ITCH: variants seen among roughly 807,000 people sequenced by gnomAD.
ITCH encodes the protein itchy E3 ubiquitin protein ligase.
In ITCH, 28 loss-of-function variants were observed where a neutral mutation model predicts 126.8. The ratio of observed to expected loss-of-function variants is 0.22; its 90% confidence interval spans 0.16 to 0.30. The LOEUF (loss-of-function observed/expected upper bound fraction) is 0.30. Among genes scored for constraint, ITCH ranks in the 10% least tolerant of loss-of-function variants. The pLI is 1.00. For missense variants in ITCH, 631 were observed against 1,032.4 expected (o/e 0.61, Z 5.33); for synonymous variants, 342 against 340.0 (o/e 1.01, Z -0.06).
rs78545187 is a variant in ITCH at position 34,471,849 on chromosome 20, A to T, written c.1569+334A>T. 7.7e-4 allele frequency among the ~76,000 whole-genome samples: 117 copies of T among 151,720 alleles called. 1 individual carries two copies. The highest frequency in any genetic ancestry group is 5.7e-3 in the East Asian group (29 of 5,114). On this transcript the variant is annotated intron_variant, in intron 16 of 24. Coordinates refer to ENST00000374864, the MANE Select transcript of ITCH (RefSeq NM_031483.7). ...GATTTGAAATAAATGCATAGGTAAG[A>T]TAATAGGTTTTTGGTAGCCAAAGGT...
intron 9 of ITCH, among the ~76,000 whole-genome samples, chr20:34,441,145 G>T (rs1225250978): frequency 6.6e-6 from 1 of 151,864 alleles, no homozygotes. Flanking sequence ...GGTGGCAGGC[G>T]CCTGTAATCC....
At chr20:34,400,902 C>T (rs984176488) in intron 3 of ITCH, among the ~76,000 whole-genome samples, 1 of 152,066 alleles carries the variant, frequency 6.6e-6, no homozygotes, top group Non-Finnish European at 1.5e-5. Flanking sequence ...GTATTGCAGG[C>T]ATGCACCACT....
At chr20:34,474,696 G>A (rs184053218) in intron 16 of ITCH, among the ~76,000 whole-genome samples, 1,655 of 152,306 alleles carry the variant, frequency 0.011, 121 homozygotes, top group Admixed American at 0.097. Flanking sequence ...CCCAGACGGG[G>A]TGGTGGCCTG....
At position 34,510,459 on chromosome 20, in the gene ITCH, T is replaced by TA. The variant is rs1321694634; in HGVS notation, c.*2665_*2666insA. On this transcript the variant is annotated 3_prime_UTR_variant, in exon 25 of 25. Transcript: ENST00000374864. Reference sequence around the variant, plus strand: ...ATCCTGTTAATTTTTTTTTTTTTTTTTTTTTTTTTTTACTGCATGTTACAT... The same window carrying TA: ...ATCCTGTTAATTTTTTTTTTTTTTTTATTTTTTTTTTTACTGCATGTTACAT... 6.7e-6 allele frequency: 1 copy of TA among 148,324 alleles called. No individual in the cohort carries two copies. Among genetic ancestry groups the TA allele is most frequent in the Non-Finnish European group, 1.5e-5 (1 of 67,086 alleles). The allele number at this position is 148,324 out of a possible 1,614,324, so 9.2% of individuals were successfully genotyped here. A position where few individuals can be genotyped will look rare whatever the true frequency, so the allele number is the denominator to read the frequency against.
At chr20:34,389,183 A>T (rs563820280) in intron 2 of ITCH, among the ~76,000 whole-genome samples, 93 of 152,014 alleles carry the variant, frequency 6.1e-4, no homozygotes, top group African/African-American at 2.1e-3. Flanking sequence ...ATTATTTTTT[A>T]AAAAATTTTA....
At chr20:34,403,329 C>T (rs754407622) in intron 3 of ITCH, among the ~76,000 whole-genome samples, 1 of 152,030 alleles carries the variant, frequency 6.6e-6, no homozygotes, top group Non-Finnish European at 1.5e-5. Context: ...AAAGCACTGA[C>T]CTTCAGAACA....
intron 20 of ITCH, among the ~76,000 whole-genome samples, chr20:34,483,019 G>A (rs913073630): frequency 6.6e-6 from 1 of 152,138 alleles, no homozygotes; most frequent in African/African-American, 2.4e-5. Context: ...GCAACAACCC[G>A]GGCTGTACCT....
In ITCH at chr20:34,393,773, C is replaced by G; in HGVS notation, c.-21-18C>G. 1 of 1,435,116 alleles carries G rather than the reference C, an allele frequency of 7.0e-7. No homozygotes were observed. Among genetic ancestry groups the G allele is most frequent in the South Asian group, 1.1e-5 (1 of 87,432 alleles). The allele number at this position is 1,435,116 out of a possible 1,614,324, so 88.9% of individuals were successfully genotyped here. A position where few individuals can be genotyped will look rare whatever the true frequency, so the allele number is the denominator to read the frequency against. On this transcript the variant is annotated intron_variant, in intron 2 of 24. Coordinates refer to ENST00000374864, the MANE Select transcript of ITCH (RefSeq NM_031483.7). Reference sequence around the variant, plus strand: ...TGGGAATTTTTGATGTTTACAGTGTCTCCTTTGCCATGTTCAGGTTTTCCA... The same window carrying G: ...TGGGAATTTTTGATGTTTACAGTGTGTCCTTTGCCATGTTCAGGTTTTCCA...
intron 23 of ITCH, among the ~76,000 whole-genome samples, chr20:34,497,077 A>T (rs961207489): frequency 2.9e-4 from 44 of 151,058 alleles, no homozygotes; most frequent in Non-Finnish European, 5.8e-4. Flanking sequence ...GCTCCCCACA[A>T]CCTCCGCCTC....
intron 7 of ITCH, among the ~76,000 whole-genome samples, chr20:34,433,819 A>G (rs1982649235): frequency 6.6e-6 from 1 of 152,192 alleles, no homozygotes; most frequent in African/African-American, 2.4e-5. Context: ...CACCCAGAAT[A>G]TGAAACCATT....
At chr20:34,497,986 T>C (rs975682242) in intron 23 of ITCH, among the ~76,000 whole-genome samples, 5 of 152,220 alleles carry the variant, frequency 3.3e-5, no homozygotes, top group Non-Finnish European at 5.9e-5. Flanking sequence ...TGTCTTTACA[T>C]TTTTTGTGTG....
At chr20:34,465,516 G>C (rs1359794979) in intron 14 of ITCH, among the ~76,000 whole-genome samples, 1 of 152,124 alleles carries the variant, frequency 6.6e-6, no homozygotes, top group Non-Finnish European at 1.5e-5. Context: ...ATCTGGGGTA[G>C]TGTGGTCATC....
chr20:34,475,724 G>A (rs1338787883), intron 16 of ITCH, among the ~76,000 whole-genome samples: 2 of 151,588 alleles, frequency 1.3e-5, no homozygotes, highest in Non-Finnish European at 1.5e-5. Flanking sequence ...GCAGGGGCAG[G>A]GGCAGGCAGA....
intron 3 of ITCH, among the ~76,000 whole-genome samples, chr20:34,403,011 GT>G (rs910634311): frequency 2.4e-4 from 35 of 148,456 alleles, no homozygotes; most frequent in South Asian, 6.4e-4. Context: ...TTATACTTAT[GT>G]TTTTTTTTTA....
chr20:34,504,891 T>C (rs1238228182), intron 24 of ITCH, among the ~76,000 whole-genome samples: 1 of 152,228 alleles, frequency 6.6e-6, no homozygotes, highest in East Asian at 1.9e-4. Context: ...TTTACTGTTT[T>C]ACTAATGTCT....
chr20:34,421,663 T>G (rs909362237), intron 6 of ITCH, among the ~76,000 whole-genome samples: 4 of 152,132 alleles, frequency 2.6e-5, no homozygotes, highest in African/African-American at 9.7e-5. Flanking sequence ...TCTAAATAAT[T>G]TATGCCATAC....
At chr20:34,372,013 T>C (rs1229811128) in intron 2 of ITCH, among the ~76,000 whole-genome samples, 1 of 152,110 alleles carries the variant, frequency 6.6e-6, no homozygotes, top group Non-Finnish European at 1.5e-5. Flanking sequence ...AAATATCTTA[T>C]AATAAGGCTT....
intron 15 of ITCH, among the ~76,000 whole-genome samples, chr20:34,470,988 T>G (rs1987567359): frequency 6.6e-6 from 1 of 152,168 alleles, no homozygotes; most frequent in Non-Finnish European, 1.5e-5. Flanking sequence ...ATATTCAGTG[T>G]TTTTTTCAGA....
At chr20:34,395,122 A>G (rs1037038650) in intron 3 of ITCH, among the ~76,000 whole-genome samples, 7 of 152,062 alleles carry the variant, frequency 4.6e-5, no homozygotes, top group South Asian at 2.1e-4. Context: ...AATCCCAGCT[A>G]CTTGGGAGGC....
Sources: gnomAD v4.1 joint callset for allele counts (sites outside exome capture counted in the v4.1 genomes callset) on GRCh38, gnomAD v4.1.1 for gene constraint, MANE v1.5 for transcripts, NCBI Gene and HGNC (gene_info 2026-07-23, HGNC 2026-07-21) for gene names.